The following MBNL1 variants were observed in gnomAD, a reference collection of about 807,000 sequenced individuals.
MBNL1 encodes the protein muscleblind-like protein 1.
Under a neutral mutation model 42.2 loss-of-function variants are expected in MBNL1, and 8 were observed. The observed-to-expected ratio is 0.19, with a 90% CI of 0.11 to 0.34. MBNL1 has a LOEUF of 0.34. MBNL1 is among the 10% of genes least tolerant of loss of function. The pLI, the probability that MBNL1 is intolerant of heterozygous loss-of-function variation, is 1.00. For missense variants in MBNL1, 309 were observed against 495.3 expected, an observed-to-expected ratio of 0.62 and a Z score of 3.57; for synonymous variants, 169 against 173.9, an observed-to-expected ratio of 0.97 and a Z score of 0.22.
At chr3:152,442,119 G>C (rs2099153333) in intron 4 of MBNL1, among the ~76,000 whole-genome samples, 1 of 151,990 alleles carries the variant, frequency 6.6e-6, no homozygotes, top group South Asian at 2.1e-4. Flanking sequence ...TGTTGACCCA[G>C]TACATACACA....
chr3:152,353,059 CTA>C (rs948243847), intron 2 of MBNL1, among the ~76,000 whole-genome samples: 3 of 152,152 alleles, frequency 2.0e-5, no homozygotes, highest in Non-Finnish European at 4.4e-5. Flanking sequence ...CAGATTTAAA[CTA>C]TGTGTGTCAG....
At chr3:152,331,166 A>G (rs1006382990) in intron 2 of MBNL1, among the ~76,000 whole-genome samples, 2 of 151,240 alleles carry the variant, frequency 1.3e-5, no homozygotes, top group East Asian at 3.9e-4. Context: ...TTTCATACTC[A>G]CACAGACACT....
chr3:152,463,854 G>A lies in MBNL1; in HGVS notation c.*1488G>A, dbSNP rs2153989149. ...CCAGGTCACTGGTAGTTATAGTATG[G>A]AATGGGAGAAGTGAAAGTTCAGTTA... On this transcript the variant is annotated 3_prime_UTR_variant, in exon 10 of 10. Transcript: ENST00000324210. The A allele has an allele frequency of 6.6e-6, 1 of 152,638 alleles. No individual in the cohort carries two copies. The highest frequency in any genetic ancestry group is 3.4e-3 in the Middle Eastern group (1 of 294). The allele number at this position is 152,638 out of a possible 1,614,324, so 9.5% of individuals were successfully genotyped here. A position where few individuals can be genotyped will look rare whatever the true frequency, so the allele number is the denominator to read the frequency against.
intron 2 of MBNL1, among the ~76,000 whole-genome samples, chr3:152,336,384 T>G (rs1028008455): frequency 4.3e-4 from 65 of 152,252 alleles, no homozygotes; most frequent in Non-Finnish European, 7.2e-4. Context: ...ATTATTACCT[T>G]TAAAAAAAGG....
intron 2 of MBNL1, among the ~76,000 whole-genome samples, chr3:152,367,847 A>T (rs1439947151): frequency 6.6e-6 from 1 of 151,750 alleles, no homozygotes; most frequent in Non-Finnish European, 1.5e-5. Context: ...ATGTGAGTTC[A>T]TATCCTTTGC....
intron 4 of MBNL1, among the ~76,000 whole-genome samples, chr3:152,438,516 A>C (rs1264279155): frequency 6.6e-6 from 1 of 152,242 alleles, no homozygotes; most frequent in Non-Finnish European, 1.5e-5. Flanking sequence ...TGAGCACTTC[A>C]GCTATAAAAT....
chr3:152,413,286 TTTTG>T (rs2098632133), intron 2 of MBNL1, among the ~76,000 whole-genome samples: 1 of 152,206 alleles, frequency 6.6e-6, no homozygotes, highest in African/African-American at 2.4e-5. Context: ...CATACCAATG[TTTTG>T]TTTTTCTTTT....
chr3:152,385,255 G>C (rs2097361275), intron 2 of MBNL1, among the ~76,000 whole-genome samples: 2 of 151,880 alleles, frequency 1.3e-5, no homozygotes, highest in African/African-American at 4.8e-5. Flanking sequence ...AAATCTTTGA[G>C]AGCCATTGTT....
chr3:152,329,475 G>T (rs944081674), intron 2 of MBNL1, among the ~76,000 whole-genome samples: 3 of 149,650 alleles, frequency 2.0e-5, no homozygotes, highest in Non-Finnish European at 3.0e-5. Context: ...AAAAAGAAAA[G>T]AAAAGGAAAA....
chr3:152,269,268 G>T, intron 1 of MBNL1, 176 bp downstream of exon 1: 1 of 331,620 alleles, frequency 3.0e-6, no homozygotes, highest in Non-Finnish European at 6.0e-6. Flanking sequence ...CTGCCCGGGG[G>T]AAGGCGGGAG....
At chr3:152,406,911 C>T (rs1035837777) in intron 2 of MBNL1, among the ~76,000 whole-genome samples, 7 of 151,944 alleles carry the variant, frequency 4.6e-5, no homozygotes, top group Admixed American at 6.6e-5. Flanking sequence ...TGTTTAATGC[C>T]GTTAAAAAGA....
intron 2 of MBNL1, among the ~76,000 whole-genome samples, chr3:152,393,120 G>C (rs143209483): frequency 6.6e-6 from 1 of 152,094 alleles, no homozygotes; most frequent in Non-Finnish European, 1.5e-5. Context: ...CTCTCACCCA[G>C]CCCTCCCTGG....
intron 2 of MBNL1, among the ~76,000 whole-genome samples, chr3:152,375,147 T>G (rs954952212): frequency 2.6e-5 from 4 of 151,862 alleles, no homozygotes; most frequent in Non-Finnish European, 5.9e-5. Flanking sequence ...CCCAGCGGAG[T>G]TGGGGTTGTT....
At chr3:152,414,387 C>G (rs1048229949) in intron 2 of MBNL1, among the ~76,000 whole-genome samples, 2 of 152,106 alleles carry the variant, frequency 1.3e-5, no homozygotes, top group African/African-American at 4.8e-5. Flanking sequence ...TGGGAGTTTT[C>G]TTCTTTTCAA....
In MBNL1 at chr3:152,348,091, C is replaced by T. The variant is rs539622280; in HGVS notation, c.174+47724C>T. 4.6e-5 allele frequency among the ~76,000 whole-genome samples: 7 copies of T among 152,126 alleles called. No homozygotes were observed. In the South Asian group the frequency reaches 1.0e-3, roughly 23 times the overall value. ...ATTAAGATGATATTTACCATTTAGT[C>T]TACAGTTTTGAGAATGATAGTTCTA... On this transcript the variant is annotated intron_variant, in intron 2 of 9. Transcript: ENST00000324210.
intron 2 of MBNL1, among the ~76,000 whole-genome samples, chr3:152,388,610 T>C (rs892609188): frequency 6.6e-6 from 1 of 152,202 alleles, no homozygotes; most frequent in Non-Finnish European, 1.5e-5. Context: ...ATCTAAAGTT[T>C]CCGACTTTGA....
At chr3:152,294,030 T>C (rs1318706666) in intron 1 of MBNL1, among the ~76,000 whole-genome samples, 8 of 152,100 alleles carry the variant, frequency 5.3e-5, no homozygotes, top group Non-Finnish European at 1.2e-4. Flanking sequence ...TTTATCCTTT[T>C]CTCGGTTTTT....
chr3:152,451,441 T>G (rs2153903497), intron 6 of MBNL1, among the ~76,000 whole-genome samples: 1 of 152,214 alleles, frequency 6.6e-6, no homozygotes, highest in South Asian at 2.1e-4. Flanking sequence ...CTTTTTTCCT[T>G]CCTCCCTTCC....
At chr3:152,323,953 T>A (rs1418428581) in intron 2 of MBNL1, among the ~76,000 whole-genome samples, 1 of 152,178 alleles carries the variant, frequency 6.6e-6, no homozygotes, top group Non-Finnish European at 1.5e-5. Context: ...TTATATGACA[T>A]GCAGTTTGAA....
Sources: gnomAD v4.1 joint callset for allele counts (sites outside exome capture counted in the v4.1 genomes callset) on GRCh38, gnomAD v4.1.1 for gene constraint, MANE v1.5 for transcripts, NCBI Gene and HGNC (gene_info 2026-07-23, HGNC 2026-07-21) for gene names.